Variants in SIGLECL1 observed in about 807,000 individuals in gnomAD.
The protein encoded by SIGLECL1 is SIGLEC family-like protein 1.
A neutral mutation model predicts 19.1 loss-of-function variants in SIGLECL1; 16 were observed. The ratio of observed to expected loss-of-function variants is 0.84; its 90% CI spans 0.57 to 1.27. SIGLECL1 has a LOEUF of 1.27. SIGLECL1 is among the 50% of genes most tolerant of loss of function. SIGLECL1 has a pLI of 0.00. For synonymous variants in SIGLECL1, 89 were observed against 90.4 expected, an observed-to-expected ratio of 0.98 and a Z score of 0.09; for missense variants, 210 against 239.4, an observed-to-expected ratio of 0.88 and a Z score of 0.81.
At chr19:51,246,991 T>C (rs745652367), upstream of SIGLECL1, among the ~76,000 whole-genome samples, 4 of 152,208 alleles carry the variant, frequency 2.6e-5, no homozygotes, top group Non-Finnish European at 1.5e-5. Flanking sequence ...TGTAGACAAA[T>C]AGCTTAGAAG....
intron 1 of SIGLECL1, among the ~76,000 whole-genome samples, chr19:51,257,322 C>T (rs1480494168): frequency 6.6e-6 from 1 of 151,716 alleles, no homozygotes; most frequent in East Asian, 1.9e-4. Flanking sequence ...GGGAAGATTG[C>T]TTGAGCCTGG....
Position 51,265,901 on chromosome 19 carries a change from A to T in SIGLECL1, c.410+19A>T, listed in dbSNP as rs1452254577. 5 of 1,612,550 alleles carry T rather than the reference A, an allele frequency of 3.1e-6. No homozygotes were observed. The highest frequency in any genetic ancestry group is 3.3e-4 in the Middle Eastern group (2 of 6,052). On this transcript the variant is annotated intron_variant, in intron 4 of 5. Coordinates refer to ENST00000601727, the MANE Select transcript of SIGLECL1 (RefSeq NM_001385465.1). ...CTCTCATGTGAGTACTAGGGTTAAT[A>T]TTCACCCGCAAGCCTACTACCGGGC...
chr19:51,267,628 C>T, intron 5 of SIGLECL1, 99 bp downstream of exon 5: 2 of 1,374,218 alleles, frequency 1.5e-6, no homozygotes, highest in South Asian at 2.7e-5. Context: ...TTATCATCCT[C>T]AGTCTTGCAG....
chr19:51,258,120 T>C (rs1015572133), intron 1 of SIGLECL1, among the ~76,000 whole-genome samples: 1 of 152,244 alleles, frequency 6.6e-6, no homozygotes, highest in Non-Finnish European at 1.5e-5. Flanking sequence ...CAGTGAATTC[T>C]GTGAGTACTT....
intron 2 of SIGLECL1, 147 bp from the exon 3 acceptor site, chr19:51,265,221 G>C: frequency 1.2e-6 from 1 of 811,436 alleles, no homozygotes; most frequent in Non-Finnish European, 2.0e-6. Flanking sequence ...GAGGGGAACT[G>C]GTCTGGGAGG....
intron 5 of SIGLECL1, 73 bp downstream of exon 5, chr19:51,267,602 C>CA: frequency 6.4e-7 from 1 of 1,553,510 alleles, no homozygotes; most frequent in Non-Finnish European, 8.8e-7. Context: ...AAGGAGCACA[C>CA]AGTGTTTTGA....
In SIGLECL1 at chr19:51,268,673, C is replaced by T; in HGVS notation, c.*76C>T. 1.2e-5 allele frequency: 17 copies of T among 1,472,414 alleles called. No homozygotes were observed. In the South Asian group the frequency reaches 1.8e-4, roughly 16 times the overall value. 91.2% of individuals were successfully genotyped at this position (1,472,414 alleles called of 1,614,324 possible). A position where few individuals can be genotyped will look rare whatever the true frequency, so the allele number is the denominator to read the frequency against. ...AAAGATCTGCAAAATTTATAGCGCTCACAGAAACCCTGGAGGCTGTAATAA... is the reference window on the plus strand; with the variant it reads ...AAAGATCTGCAAAATTTATAGCGCTTACAGAAACCCTGGAGGCTGTAATAA... On this transcript the variant is annotated 3_prime_UTR_variant, in exon 6 of 6. Transcript: ENST00000601727.
rs1983858040 is a variant in SIGLECL1 at position 51,268,784 on chromosome 19, T to C, written c.*187T>C. 1.7e-6 allele frequency: 1 copy of C among 603,288 alleles called. No individual in the cohort carries two copies. The highest frequency in any genetic ancestry group is 2.9e-6 in the Non-Finnish European group (1 of 342,698). The allele number at this position is 603,288 out of a possible 1,614,324, so 37.4% of individuals were successfully genotyped here. A position where few individuals can be genotyped will look rare whatever the true frequency, so the allele number is the denominator to read the frequency against. ...TAACACTCATTCTCCATTGAATAGG[T>C]GGTTACTCTTAGACCTAGTCTTAGA... On this transcript the variant is annotated 3_prime_UTR_variant, in exon 6 of 6. Coordinates refer to ENST00000601727, the MANE Select transcript of SIGLECL1 (RefSeq NM_001385465.1).
chr19:51,247,271 A>G (rs1982294478), upstream of SIGLECL1, among the ~76,000 whole-genome samples: 1 of 152,156 alleles, frequency 6.6e-6, no homozygotes, highest in African/African-American at 2.4e-5. Context: ...AGGACTCCAG[A>G]TATTGTCAGG....
intron 5 of SIGLECL1, 68 bp downstream of exon 5, chr19:51,267,597 GCA>G (rs1412072553): frequency 1.3e-6 from 2 of 1,562,792 alleles, no homozygotes; most frequent in Non-Finnish European, 1.7e-6. Context: ...AGGGAAAGGA[GCA>G]CACAGTGTTT....
In SIGLECL1 at chr19:51,267,954, C is replaced by G. The variant is rs560623420; in HGVS notation, c.567+425C>G. Among the ~76,000 whole-genome samples the G allele has an allele frequency of 2.9e-4, 44 of 152,238 alleles. No homozygotes were observed. In the South Asian group the frequency reaches 9.1e-3, roughly 32 times the overall value. On this transcript the variant is annotated intron_variant, in intron 5 of 5. Coordinates refer to ENST00000601727, the MANE Select transcript of SIGLECL1 (RefSeq NM_001385465.1). ...GCCAAGCCCAGGTTACTCCTTCATT[C>G]ACCCTGTACCCCACATCTTCAGCAG...
intron 2 of SIGLECL1, 88 bp from the exon 3 acceptor site, chr19:51,265,280 T>G (rs1397841362): frequency 7.0e-7 from 1 of 1,423,416 alleles, no homozygotes; most frequent in African/African-American, 1.4e-5. Context: ...TCCTTGTGAA[T>G]AGCAAGTAAA....
intron 1 of SIGLECL1, 107 bp from the exon 2 acceptor site, chr19:51,263,776 A>C (rs1478745555): frequency 3.8e-6 from 1 of 260,690 alleles, no homozygotes; most frequent in African/African-American, 2.2e-5. Flanking sequence ...AAAATAAAAC[A>C]AAGAATAAAG....
intron 1 of SIGLECL1, among the ~76,000 whole-genome samples, chr19:51,262,498 A>G (rs1238567491): frequency 6.6e-6 from 1 of 152,254 alleles, no homozygotes; most frequent in Admixed American, 6.5e-5. Flanking sequence ...CATCATTAAA[A>G]TTAATTTTAC....
intron 1 of SIGLECL1, among the ~76,000 whole-genome samples, chr19:51,259,457 C>T (rs895039134): frequency 7.2e-5 from 11 of 152,156 alleles, no homozygotes; most frequent in African/African-American, 2.2e-4. Context: ...TAATTTGAAA[C>T]AGTACAGGAT....
In SIGLECL1 at chr19:51,263,929, C is replaced by A; in HGVS notation, c.-144C>A. ...CCAGAGACAGAAGCCCCTGACTTGG[C>A]TAAAGATACTTCTGCTCTCCCCATC... On this transcript the variant is annotated 5_prime_UTR_variant, in exon 2 of 6. Coordinates refer to ENST00000601727, the MANE Select transcript of SIGLECL1 (RefSeq NM_001385465.1). 9.9e-7 allele frequency: 1 copy of A among 1,014,668 alleles called. No individual in the cohort carries two copies. The allele number at this position is 1,014,668 out of a possible 1,614,324, so 62.9% of individuals were successfully genotyped here.
intron 2 of SIGLECL1, chr19:51,264,347 A>C: frequency 4.5e-6 from 2 of 442,972 alleles, no homozygotes; most frequent in Admixed American, 4.1e-5. Context: ...GCATGAGAGC[A>C]CTAGGAGCTG....
At chr19:51,248,712 T>C (rs1351148255), upstream of SIGLECL1, among the ~76,000 whole-genome samples, 1 of 152,214 alleles carries the variant, frequency 6.6e-6, no homozygotes, top group Non-Finnish European at 1.5e-5. Flanking sequence ...AGGAAAACTT[T>C]TATAAGGTAT....
chr19:51,259,201 T>TA (rs1983030137), intron 1 of SIGLECL1, among the ~76,000 whole-genome samples: 1 of 372 alleles, frequency 2.7e-3, no homozygotes, highest in Non-Finnish European at 6.2e-3. Context: ...GACATAGGAT[T>TA]ACAAAGTGGA....
Sources: gnomAD v4.1 joint callset for allele counts (sites outside exome capture counted in the v4.1 genomes callset) on GRCh38, gnomAD v4.1.1 for gene constraint, MANE v1.5 for transcripts, NCBI Gene and HGNC (gene_info 2026-07-23, HGNC 2026-07-21) for gene names.